GPC6: variants seen among roughly 807,000 people sequenced by gnomAD.
GPC6 encodes the protein glypican 6.
In GPC6, 14 loss-of-function variants were observed where a neutral mutation model predicts 55.2. The observed-to-expected ratio is 0.25, with a 90% CI of 0.17 to 0.40. The LOEUF is 0.40. Among genes scored for constraint, GPC6 ranks in the 10% least tolerant of loss-of-function variants. The pLI, the probability that GPC6 is intolerant of heterozygous loss-of-function variation, is 1.00. For missense variants in GPC6, 641 were observed against 708.5 expected (o/e 0.90, Z 1.08); for synonymous variants, 278 against 259.6 (o/e 1.07, Z -0.68).
chr13:93,784,755 T>C (rs1275389879), intron 2 of GPC6, among the ~76,000 whole-genome samples: 2 of 152,198 alleles, frequency 1.3e-5, no homozygotes, highest in African/African-American at 4.8e-5. Context: ...ATTGAAATTA[T>C]AGTCCAATCA....
chr13:93,853,167 G>A (rs765387143), intron 3 of GPC6, among the ~76,000 whole-genome samples: 14 of 151,486 alleles, frequency 9.2e-5, no homozygotes, highest in Non-Finnish European at 1.6e-4. Flanking sequence ...TTAAATGGTG[G>A]GGATAATTTT....
intron 2 of GPC6, among the ~76,000 whole-genome samples, chr13:93,821,030 G>A (rs1268956404): frequency 6.6e-6 from 1 of 152,136 alleles, no homozygotes. Flanking sequence ...AGAATTTAAA[G>A]GCATGATATG....
chr13:94,296,219 C>A lies in GPC6; in HGVS notation c.1008+9740C>A, dbSNP rs374020385. 8.5e-5 allele frequency among the ~76,000 whole-genome samples: 13 copies of A among 152,278 alleles called. No homozygotes were observed. The East Asian group carries it at 2.1e-3, about 25-fold the overall frequency. The stretch of plus-strand genomic sequence containing the variant: ...ACTTTCCTTGCATGTAAAAGGGATA[C>A]AACAAAAGTGTTCTCCTTTTGATGA... On this transcript the variant is annotated intron_variant, in intron 5 of 8. Coordinates refer to ENST00000377047, the MANE Select transcript of GPC6 (RefSeq NM_005708.5).
intron 5 of GPC6, among the ~76,000 whole-genome samples, chr13:94,288,765 A>T (rs1290740084): frequency 3.4e-5 from 4 of 117,110 alleles, no homozygotes; most frequent in African/African-American, 1.4e-4. Context: ...TATAATAAAT[A>T]TATATATATT....
intron 2 of GPC6, among the ~76,000 whole-genome samples, chr13:93,691,622 C>A (rs1312698715): frequency 6.6e-6 from 1 of 151,868 alleles, no homozygotes; most frequent in Non-Finnish European, 1.5e-5. Flanking sequence ...AAAAATTATT[C>A]ACACCTTCAT....
intron 3 of GPC6, among the ~76,000 whole-genome samples, chr13:93,912,721 C>T (rs1055143439): frequency 8.6e-5 from 13 of 151,978 alleles, no homozygotes; most frequent in African/African-American, 1.9e-4. Context: ...CCAGCCTGGG[C>T]GACAGATAGA....
chr13:93,600,717 T>C (rs1480309812), intron 2 of GPC6, among the ~76,000 whole-genome samples: 8 of 151,978 alleles, frequency 5.3e-5, no homozygotes, highest in Non-Finnish European at 1.0e-4. Flanking sequence ...TTTGGGAGGC[T>C]GAGGCGGGTG....
intron 1 of GPC6, among the ~76,000 whole-genome samples, chr13:93,420,599 T>G (rs1295843753): frequency 6.6e-6 from 1 of 152,142 alleles, no homozygotes; most frequent in African/African-American, 2.4e-5. Flanking sequence ...ACCCATGGAA[T>G]GTTTGAAGAA....
intron 1 of GPC6, among the ~76,000 whole-genome samples, chr13:93,362,713 G>T (rs1323977): frequency 6.6e-6 from 1 of 151,904 alleles, no homozygotes; most frequent in South Asian, 2.1e-4. Flanking sequence ...GGTTTGAGGT[G>T]AGGTCTTACA....
chr13:93,465,136 A>G (rs116055053), intron 1 of GPC6, among the ~76,000 whole-genome samples: 173 of 152,320 alleles, frequency 1.1e-3, no homozygotes, highest in African/African-American at 3.8e-3. Context: ...TTCTGTTTAT[A>G]GAGCACCATC....
intron 2 of GPC6, among the ~76,000 whole-genome samples, chr13:93,648,242 A>C (rs937086622): frequency 6.6e-6 from 1 of 152,180 alleles, no homozygotes; most frequent in African/African-American, 2.4e-5. Context: ...CCATCTGCTA[A>C]GAGGTCATGG....
intron 2 of GPC6, among the ~76,000 whole-genome samples, chr13:93,719,814 G>A (rs1228269471): frequency 1.3e-4 from 19 of 151,896 alleles, no homozygotes; most frequent in Admixed American, 1.2e-3. Context: ...ATTTTATGAA[G>A]GCCTTTTCTG....
chr13:93,277,527 A>G (rs1877798410), intron 1 of GPC6, among the ~76,000 whole-genome samples: 1 of 152,222 alleles, frequency 6.6e-6, no homozygotes, highest in Admixed American at 6.5e-5. Context: ...ATCAGACTAA[A>G]CCAAGGTGTC....
At chr13:93,674,465 C>G (rs1179720543) in intron 2 of GPC6, among the ~76,000 whole-genome samples, 1 of 152,130 alleles carries the variant, frequency 6.6e-6, no homozygotes, top group East Asian at 1.9e-4. Flanking sequence ...AATGCAGTCT[C>G]TTATCTTGTG....
rs567654722 is a variant in GPC6, at chr13:93,307,596, T to C, written c.160+79980T>C. 2.0e-5 allele frequency among the ~76,000 whole-genome samples: 3 copies of C among 152,286 alleles called. No individual in the cohort carries two copies. The East Asian group carries it at 5.8e-4, about 29-fold the overall frequency. ...TTGGCTCTTTCTATTAACACCATCA[T>C]ATTAACTCAGTATGAGTTTACATAT... On this transcript the variant is annotated intron_variant, in intron 1 of 8. Transcript: ENST00000377047.
chr13:93,587,851 TA>T (rs1335337799), intron 2 of GPC6, among the ~76,000 whole-genome samples: 10 of 152,278 alleles, frequency 6.6e-5, no homozygotes, highest in Admixed American at 6.5e-4. Flanking sequence ...AGGGAACACA[TA>T]ATGCGTTTCG....
intron 2 of GPC6, among the ~76,000 whole-genome samples, chr13:93,760,039 G>A (rs538021083): frequency 7.3e-6 from 1 of 137,128 alleles, no homozygotes; most frequent in Admixed American, 7.3e-5. Flanking sequence ...AAAAAAAATC[G>A]TGAATAACAG....
At chr13:93,224,458 T>C (rs1875705831), upstream of GPC6, among the ~76,000 whole-genome samples, 1 of 152,180 alleles carries the variant, frequency 6.6e-6, no homozygotes, top group South Asian at 2.1e-4. Context: ...CCTTCCAAAG[T>C]GCTGGGATTA....
intron 6 of GPC6, among the ~76,000 whole-genome samples, chr13:94,335,591 G>A (rs1458241707): frequency 9.4e-6 from 1 of 106,254 alleles, no homozygotes; most frequent in Non-Finnish European, 2.1e-5. Context: ...CTTAAACACT[G>A]TTTTAGAATG....
Sources: gnomAD v4.1 joint callset for allele counts (sites outside exome capture counted in the v4.1 genomes callset) on GRCh38, gnomAD v4.1.1 for gene constraint, MANE v1.5 for transcripts, NCBI Gene and HGNC (gene_info 2026-07-23, HGNC 2026-07-21) for gene names.